Variants in FARP2 observed in about 807,000 individuals in gnomAD.
FARP2 encodes the protein FERM, ARH/RhoGEF and pleckstrin domain protein 2.
FARP2 carries 111 observed loss-of-function variants against 130.5 expected under a neutral mutation model. The ratio of observed to expected loss-of-function variants is 0.85; its 90% CI spans 0.73 to 1.00. The LOEUF (loss-of-function observed/expected upper bound fraction) is 1.00. FARP2 is among the 50% of genes least tolerant of loss of function. FARP2 has a pLI of 0.00. For synonymous variants in FARP2, 504 were observed against 516.9 expected (o/e 0.98, Z 0.34); for missense variants, 1,385 against 1,346.3 (o/e 1.03, Z -0.45).
At chr2:241,479,054 C>A in intron 19 of FARP2, 3 of 537,106 alleles carry the variant, frequency 5.6e-6, no homozygotes, top group South Asian at 2.7e-5. Context: ...AATGAACTAC[C>A]ATGTCCAGGA....
intron 1 of FARP2, 36 bp from the exon 2 acceptor site, chr2:241,373,048 A>T: frequency 8.8e-7 from 1 of 1,134,614 alleles, no homozygotes; most frequent in Non-Finnish European, 1.2e-6. Flanking sequence ...ATAATGTGAT[A>T]ATTCCTTCAT....
intron 1 of FARP2, among the ~76,000 whole-genome samples, chr2:241,367,045 T>C (rs1298270887): frequency 6.6e-6 from 1 of 152,084 alleles, no homozygotes; most frequent in Admixed American, 6.5e-5. Context: ...AGTTCTTGAG[T>C]TGTTGACTGC....
chr2:241,449,030 G>A (rs1316384209), intron 13 of FARP2, among the ~76,000 whole-genome samples: 1 of 152,224 alleles, frequency 6.6e-6, no homozygotes, highest in Non-Finnish European at 1.5e-5. Flanking sequence ...TATTCTTTGA[G>A]CCAGATTTTG....
At chr2:241,429,046 T>G (rs1330605643) in intron 8 of FARP2, among the ~76,000 whole-genome samples, 1 of 152,234 alleles carries the variant, frequency 6.6e-6, no homozygotes, top group Admixed American at 6.5e-5. Context: ...TCCCTAACCT[T>G]GCTGCCTCTT....
chr2:241,488,217 T>G (rs1171512317), intron 21 of FARP2: 2 of 152,154 alleles, frequency 1.3e-5, no homozygotes, highest in African/African-American at 4.8e-5. Context: ...TACTGAATGC[T>G]TATCACTTTC....
At chr2:241,410,011 G>A (rs2062472970) in intron 5 of FARP2, among the ~76,000 whole-genome samples, 1 of 152,124 alleles carries the variant, frequency 6.6e-6, no homozygotes, top group Admixed American at 6.5e-5. Flanking sequence ...TTAATATTGT[G>A]CACTGGGGCA....
At chr2:241,356,908 A>C (rs1201938756) in intron 1 of FARP2, among the ~76,000 whole-genome samples, 1 of 152,246 alleles carries the variant, frequency 6.6e-6, no homozygotes, top group Admixed American at 6.5e-5. Flanking sequence ...AAAGGTGGGA[A>C]TCAAGTGTTA....
At chr2:241,462,435 A>G in intron 14 of FARP2, 88 bp from the exon 15 acceptor site, 8 of 865,836 alleles carry the variant, frequency 9.2e-6, no homozygotes, top group South Asian at 1.4e-5. Context: ...GAGCAGAAGA[A>G]AGCAAACATT....
chr2:241,369,078 T>C (rs2061372306), intron 1 of FARP2, among the ~76,000 whole-genome samples: 1 of 152,118 alleles, frequency 6.6e-6, no homozygotes, highest in Admixed American at 6.5e-5. Context: ...TGCAGCCATG[T>C]TGACGTCTGT....
intron 1 of FARP2, among the ~76,000 whole-genome samples, chr2:241,361,700 T>TG (rs1277692554): frequency 6.6e-6 from 1 of 152,048 alleles, no homozygotes; most frequent in Non-Finnish European, 1.5e-5. Flanking sequence ...ACTGCTTTAG[T>TG]GGGGGTAGTT....
chr2:241,363,969 A>G (rs2061248698), intron 1 of FARP2, among the ~76,000 whole-genome samples: 1 of 152,196 alleles, frequency 6.6e-6, no homozygotes, highest in Non-Finnish European at 1.5e-5. Flanking sequence ...TATCTGATAG[A>G]CTGTGGTCTG....
intron 2 of FARP2, among the ~76,000 whole-genome samples, chr2:241,392,800 G>C (rs1012363951): frequency 7.9e-5 from 12 of 151,768 alleles, no homozygotes; most frequent in Non-Finnish European, 5.9e-5. Flanking sequence ...CCTATTATCT[G>C]GGTGTGGTGA....
At chr2:241,463,190 GGCTGTAGT>G in intron 15 of FARP2, 137 bp from the exon 16 acceptor site, 1 of 693,748 alleles carries the variant, frequency 1.4e-6, no homozygotes, top group Non-Finnish European at 2.3e-6. Context: ...CAAAGAGGAT[GGCTGTAGT>G]GCTGATCTGA....
intron 2 of FARP2, among the ~76,000 whole-genome samples, chr2:241,390,916 T>G (rs973827358): frequency 1.3e-5 from 2 of 152,212 alleles, no homozygotes; most frequent in African/African-American, 4.8e-5. Flanking sequence ...ATAATGGTCT[T>G]ATTGGCCTTT....
chr2:241,405,031 G>A (rs1042707148), intron 4 of FARP2, among the ~76,000 whole-genome samples, 190 bp downstream of exon 4: 2 of 152,154 alleles, frequency 1.3e-5, no homozygotes, highest in Admixed American at 6.6e-5. Flanking sequence ...AAGATTCTAG[G>A]TGACTTGCTT....
At chr2:241,470,645 G>A (rs1238959242) in intron 18 of FARP2, among the ~76,000 whole-genome samples, 3 of 151,134 alleles carry the variant, frequency 2.0e-5, no homozygotes, top group Non-Finnish European at 4.4e-5. Context: ...CTGTTCTGAG[G>A]GGACTCAGTT....
At chr2:241,469,817 T>TTG (rs2064261724) in intron 18 of FARP2, among the ~76,000 whole-genome samples, 3 of 152,198 alleles carry the variant, frequency 2.0e-5, no homozygotes, top group Non-Finnish European at 4.4e-5. Flanking sequence ...ACATAGGACT[T>TTG]TGGAGGGATT....
rs2063382532 is a variant in FARP2 at position 241,441,500 on chromosome 2, GC to G, written c.1359del (p.Asp454ThrfsTer35). The G allele has an allele frequency of 6.2e-7, 1 of 1,614,072 alleles. No individual in the cohort carries two copies. The highest frequency in any genetic ancestry group is 2.2e-5 in the East Asian group (1 of 44,872). ...AERRSGAVAGGPDTPSAQPLG... is the reference protein window; with the variant it reads ...AERRSGAVAGXPDTPSAQPLG... ...AGGCGCAGTGGAGCAGTGGCTGGAG[GC>G]CCCGACACACCATCGGCCCAGCCCC... On this transcript the variant is annotated frameshift_variant, in exon 13 of 27. Transcript: ENST00000264042. LOFTEE classifies it high-confidence loss of function.
At chr2:241,377,976 T>C (rs955275267) in intron 2 of FARP2, among the ~76,000 whole-genome samples, 16 of 152,248 alleles carry the variant, frequency 1.1e-4, no homozygotes, top group African/African-American at 3.6e-4. Context: ...CTGCCAGCAA[T>C]GTTATATGTT....
Sources: allele counts gnomAD v4.1 joint callset (sites outside exome capture counted in the v4.1 genomes callset), GRCh38; gene constraint gnomAD v4.1.1; transcripts MANE v1.5; gene names NCBI Gene and HGNC (gene_info 2026-07-23, HGNC 2026-07-21).